DCC: variants seen among roughly 807,000 people sequenced by gnomAD.
DCC encodes netrin receptor DCC.
DCC carries 58 observed loss-of-function variants against 172.5 expected under a neutral mutation model. The observed-to-expected ratio is 0.34, with a 90% CI of 0.27 to 0.42. DCC has a LOEUF of 0.42. DCC is among the 10% of genes least tolerant of loss of function. DCC has a pLI of 1.00. For missense variants in DCC, 1,740 were observed against 1,791.0 expected (o/e 0.97, Z 0.51); for synonymous variants, 709 against 644.5 (o/e 1.10, Z -1.52).
intron 23 of DCC, among the ~76,000 whole-genome samples, chr18:53,452,380 T>C (rs939674778): frequency 6.6e-6 from 1 of 151,988 alleles, no homozygotes; most frequent in Non-Finnish European, 1.5e-5. Flanking sequence ...TTGATTTGGG[T>C]TCCCCCCCGC....
At chr18:53,476,205 T>C (rs990270980) in intron 25 of DCC, among the ~76,000 whole-genome samples, 1 of 152,210 alleles carries the variant, frequency 6.6e-6, no homozygotes, top group African/African-American at 2.4e-5. Flanking sequence ...TCAGATGAGA[T>C]GTCGGGCTGT....
chr18:53,135,594 T>C (rs2043729331), intron 7 of DCC, among the ~76,000 whole-genome samples: 1 of 152,288 alleles, frequency 6.6e-6, no homozygotes, highest in Non-Finnish European at 1.5e-5. Flanking sequence ...CACCTAGGGC[T>C]GACAGCTGCT....
chr18:53,299,007 T>C (rs185625917), intron 12 of DCC, among the ~76,000 whole-genome samples: 17 of 152,270 alleles, frequency 1.1e-4, no homozygotes, highest in Admixed American at 1.1e-3. Context: ...GGTGATAATA[T>C]CTGCCATTTC....
In DCC at chr18:53,531,877, C is replaced by T. The variant is rs1395455540; in HGVS notation, c.*1224C>T. 5 of 152,140 alleles carry T rather than the reference C, an allele frequency of 3.3e-5. No individual in the cohort carries two copies. Among genetic ancestry groups the T allele is most frequent in the Non-Finnish European group, 7.3e-5 (5 of 68,060 alleles). 9.4% of individuals were successfully genotyped at this position (152,140 alleles called of 1,614,324 possible). On this transcript the variant is annotated 3_prime_UTR_variant, in exon 29 of 29. Coordinates refer to ENST00000442544, the MANE Select transcript of DCC (RefSeq NM_005215.4). ...AGGGGCAGGTGCCACCTGACACTTC[C>T]GACATGTAAATCCAGCAGATACTTT... is the stretch of plus-strand genomic sequence containing the variant.
At chr18:53,392,631 G>A (rs1208501934) in intron 17 of DCC, among the ~76,000 whole-genome samples, 1 of 152,160 alleles carries the variant, frequency 6.6e-6, no homozygotes, top group Non-Finnish European at 1.5e-5. Context: ...CTGCTATGAT[G>A]TTAGTATATA....
intron 15 of DCC, among the ~76,000 whole-genome samples, chr18:53,351,350 C>T (rs55768042): frequency 0.019 from 805 of 41,882 alleles, 87 homozygotes; most frequent in African/African-American, 0.041. Flanking sequence ...TATATATATA[C>T]ACAGTATATA....
chr18:53,301,336 G>A (rs943570848), intron 12 of DCC, among the ~76,000 whole-genome samples: 4 of 151,988 alleles, frequency 2.6e-5, no homozygotes, highest in Admixed American at 2.0e-4. Flanking sequence ...TGATCCACCT[G>A]CCTCGGCCTC....
At chr18:52,877,704 TAA>T (rs35330118) in intron 2 of DCC, among the ~76,000 whole-genome samples, 2 of 148,804 alleles carry the variant, frequency 1.3e-5, no homozygotes, top group African/African-American at 2.5e-5. Context: ...TGAGACAATA[TAA>T]AAAAAAAAAT....
At position 52,760,505 on chromosome 18, in the gene DCC, G is replaced by T. The variant is rs370092406; in HGVS notation, c.412+8131G>T. Among the ~76,000 whole-genome samples, 66 of 152,266 alleles carry T rather than the reference G, an allele frequency of 4.3e-4. 1 individual carries two copies. In the South Asian group the frequency reaches 0.013, roughly 31 times the overall value. ...TGGACAGCTCTCACATAGAAAGGTG[G>T]GAGATAGTCAGAGCGTGACCTCCAA... On this transcript the variant is annotated intron_variant, in intron 2 of 28. Transcript: ENST00000442544.
intron 1 of DCC, among the ~76,000 whole-genome samples, chr18:52,715,997 GCCT>G (rs1199775164): frequency 2.6e-5 from 4 of 151,570 alleles, no homozygotes; most frequent in African/African-American, 9.7e-5. Flanking sequence ...ACCCTTCAGT[GCCT>G]CTGTTTCCTC....
In DCC at chr18:52,916,132, C is replaced by T. The variant is rs186136928; in HGVS notation, c.698-7575C>T. On this transcript the variant is annotated intron_variant, in intron 3 of 28. Coordinates refer to ENST00000442544, the MANE Select transcript of DCC (RefSeq NM_005215.4). ...ATGTGTCAACATAGGAAAATACATA[C>T]GCAAAAATAAAAGTATAATGGGTTT... Among the ~76,000 whole-genome samples, 5 of 151,748 alleles carry T rather than the reference C, an allele frequency of 3.3e-5. No homozygotes were observed. In the East Asian group the frequency reaches 5.8e-4, roughly 18 times the overall value.
intron 1 of DCC, among the ~76,000 whole-genome samples, chr18:52,515,882 G>A (rs1397214902): frequency 2.5e-5 from 3 of 121,486 alleles, no homozygotes; most frequent in African/African-American, 9.2e-5. Context: ...ATTATATAAG[G>A]AATTCTCAAA....
At position 52,782,100 on chromosome 18, in the gene DCC, C is replaced by T. The variant is rs546535971; in HGVS notation, c.412+29726C>T. Among the ~76,000 whole-genome samples, 18 of 152,094 alleles carry T rather than the reference C, an allele frequency of 1.2e-4. No individual in the cohort carries two copies. The East Asian group carries it at 3.5e-3, about 29-fold the overall frequency. On this transcript the variant is annotated intron_variant, in intron 2 of 28. Coordinates refer to ENST00000442544, the MANE Select transcript of DCC (RefSeq NM_005215.4). Reference sequence around the variant, plus strand: ...TGAGTAGAACTAAGAAAGGAAACAACCTCTTCAGTTAATGCATTTTCAGAG... The same window carrying T: ...TGAGTAGAACTAAGAAAGGAAACAATCTCTTCAGTTAATGCATTTTCAGAG...
At chr18:53,440,168 A>G (rs1411709910) in intron 22 of DCC, among the ~76,000 whole-genome samples, 1 of 152,232 alleles carries the variant, frequency 6.6e-6, no homozygotes, top group African/African-American at 2.4e-5. Context: ...TTATATTTGT[A>G]TAAATGACGG....
chr18:53,157,532 A>C lies in DCC; in HGVS notation c.1418+20A>C, dbSNP rs1171155866. 2 of 1,613,066 alleles carry C rather than the reference A, an allele frequency of 1.2e-6. No individual in the cohort carries two copies. Among genetic ancestry groups the C allele is most frequent in the South Asian group, 2.2e-5 (2 of 91,072 alleles). ...CAACAGGTAGGTGATGCTACCAATAAAATTCAGCTTAATCGGTCATCTCTT... is the reference window on the plus strand; with the variant it reads ...CAACAGGTAGGTGATGCTACCAATACAATTCAGCTTAATCGGTCATCTCTT... On this transcript the variant is annotated intron_variant, in intron 8 of 28. Coordinates refer to ENST00000442544, the MANE Select transcript of DCC (RefSeq NM_005215.4).
At chr18:53,170,187 G>C (rs1251239900) in intron 8 of DCC, among the ~76,000 whole-genome samples, 1 of 152,154 alleles carries the variant, frequency 6.6e-6, no homozygotes, top group Non-Finnish European at 1.5e-5. Context: ...CCACGCAGCA[G>C]TTTGGCAGCA....
intron 2 of DCC, among the ~76,000 whole-genome samples, chr18:52,856,888 G>A (rs1198994412): frequency 6.6e-6 from 1 of 152,102 alleles, no homozygotes; most frequent in Non-Finnish European, 1.5e-5. Flanking sequence ...AGAAGTAACT[G>A]TTATACAACA....
intron 1 of DCC, among the ~76,000 whole-genome samples, chr18:52,489,064 AC>A (rs144811991): frequency 3.2e-4 from 48 of 152,036 alleles, no homozygotes; most frequent in African/African-American, 1.0e-3. Flanking sequence ...CTCTCTGTCA[AC>A]CCTTTATTAA....
intron 1 of DCC, among the ~76,000 whole-genome samples, chr18:52,690,513 G>A (rs2035914807): frequency 6.6e-6 from 1 of 152,150 alleles, no homozygotes; most frequent in Admixed American, 6.6e-5. Context: ...GAAAAATAAG[G>A]CTAATAGTAA....
Sources: allele counts gnomAD v4.1 joint callset (sites outside exome capture counted in the v4.1 genomes callset), GRCh38; gene constraint gnomAD v4.1.1; transcripts MANE v1.5; gene names NCBI Gene and HGNC (gene_info 2026-07-23, HGNC 2026-07-21).